CDK12: variants seen among roughly 807,000 people sequenced by gnomAD.
CDK12 encodes cyclin dependent kinase 12.
In CDK12, 17 loss-of-function variants were observed where a neutral mutation model predicts 133.8. The ratio of observed to expected loss-of-function variants is 0.13; its 90% confidence interval spans 0.09 to 0.19. The LOEUF is 0.19. Ranked by LOEUF, CDK12 falls within the 10% of genes least tolerant of loss-of-function variation. The probability of loss-of-function intolerance (pLI) is 1.00; values close to 1 mark genes in which losing one functional copy is unlikely to be tolerated. For synonymous variants in CDK12, 694 were observed against 683.6 expected (o/e 1.02, Z -0.24); for missense variants, 1,508 against 1,818.7 (o/e 0.83, Z 3.11).
At chr17:39,505,054 C>T (rs1268417661) in intron 6 of CDK12, among the ~76,000 whole-genome samples, 1 of 150,494 alleles carries the variant, frequency 6.6e-6, no homozygotes, top group Non-Finnish European at 1.5e-5. Flanking sequence ...CATGGTAAAA[C>T]CCCGTCTCTA....
chr17:39,565,542 TTC>T (rs1409452408), downstream of CDK12, among the ~76,000 whole-genome samples: 1 of 152,050 alleles, frequency 6.6e-6, no homozygotes, highest in Non-Finnish European at 1.5e-5. Flanking sequence ...CAAGCGATTC[TTC>T]TGCCTCAGCC....
downstream of CDK12, among the ~76,000 whole-genome samples, chr17:39,539,139 C>T (rs2055294547): frequency 1.3e-5 from 2 of 152,258 alleles, no homozygotes; most frequent in South Asian, 2.1e-4. Context: ...TTCCTAGAGA[C>T]CTTCCAAAAC....
chr17:39,511,666 T>C, intron 8 of CDK12, 36 bp downstream of exon 8: 2 of 1,342,830 alleles, frequency 1.5e-6, no homozygotes, highest in South Asian at 1.2e-5. Flanking sequence ...TGTCTGTAAC[T>C]TACATACTGT....
rs565863881 is a variant in CDK12 at position 39,476,317 on chromosome 17, T to C, written c.1931+4554T>C. On this transcript the variant is annotated intron_variant, in intron 2 of 13. Coordinates refer to ENST00000447079, the MANE Select transcript of CDK12 (RefSeq NM_016507.4). Reference sequence around the variant, plus strand: ...TAGAGGTAGGGTTTCACCATATTTCTCCTGGATGGTCTCGATGTCTTGATC... The same window carrying C: ...TAGAGGTAGGGTTTCACCATATTTCCCCTGGATGGTCTCGATGTCTTGATC... 7.9e-5 allele frequency among the ~76,000 whole-genome samples: 12 copies of C among 151,972 alleles called. No homozygotes were observed. The South Asian group carries it at 2.5e-3, about 32-fold the overall frequency.
At chr17:39,513,677 C>T (rs941263811) in intron 8 of CDK12, among the ~76,000 whole-genome samples, 6 of 152,182 alleles carry the variant, frequency 3.9e-5, no homozygotes, top group South Asian at 2.1e-4. Context: ...GGACTGGAAA[C>T]CAAAAGAAAA....
At chr17:39,488,306 T>C (rs1567717524) in intron 2 of CDK12, among the ~76,000 whole-genome samples, 1 of 152,068 alleles carries the variant, frequency 6.6e-6, no homozygotes, top group Non-Finnish European at 1.5e-5. Flanking sequence ...AAAACCCCAC[T>C]GACTACTATA....
At chr17:39,478,394 A>G (rs2050382337) in intron 2 of CDK12, among the ~76,000 whole-genome samples, 1 of 151,480 alleles carries the variant, frequency 6.6e-6, no homozygotes, top group Non-Finnish European at 1.5e-5. Context: ...GGGTTTCATC[A>G]TGTCATCCAG....
upstream of CDK12, among the ~76,000 whole-genome samples, chr17:39,544,625 CTTTTTTTTTTTT>C (rs71147355): frequency 1.6e-5 from 1 of 60,910 alleles, no homozygotes; most frequent in South Asian, 1.0e-3. Flanking sequence ...AACAGGCGAT[CTTTTTTTTTTTT>C]TTTTTTTTTT....
At chr17:39,539,366 T>G (rs1374086501), downstream of CDK12, among the ~76,000 whole-genome samples, 1 of 152,204 alleles carries the variant, frequency 6.6e-6, no homozygotes, top group African/African-American at 2.4e-5. Context: ...GTACTTGTTT[T>G]TTTGTTTTGT....
At chr17:39,566,493 C>G (rs1467795941), downstream of CDK12, among the ~76,000 whole-genome samples, 1 of 152,098 alleles carries the variant, frequency 6.6e-6, no homozygotes, top group African/African-American at 2.4e-5. Flanking sequence ...ACCGACACCC[C>G]ACCCTGACCC....
intron 12 of CDK12, among the ~76,000 whole-genome samples, chr17:39,525,527 G>A (rs1380742091): frequency 6.6e-6 from 1 of 152,148 alleles, no homozygotes; most frequent in Admixed American, 6.6e-5. Context: ...CTAGGGATGG[G>A]TCCTGAGGCA....
chr17:39,472,451 AT>A (rs1190902613), intron 2 of CDK12, among the ~76,000 whole-genome samples: 2 of 151,910 alleles, frequency 1.3e-5, no homozygotes, highest in African/African-American at 4.8e-5. Context: ...GGGCAGGCAG[AT>A]CACCTGAGGT....
chr17:39,509,859 G>A, intron 7 of CDK12, 98 bp downstream of exon 7: 2 of 904,410 alleles, frequency 2.2e-6, no homozygotes, highest in South Asian at 2.8e-5. Context: ...TGGAGTGCGT[G>A]GCTTGATCTC....
chr17:39,469,633 CTTCTT>C (rs1461449521), intron 1 of CDK12, among the ~76,000 whole-genome samples: 1 of 146,168 alleles, frequency 6.8e-6, no homozygotes, highest in Non-Finnish European at 1.5e-5. Context: ...TGGAGTATGA[CTTCTT>C]TTTTTTTTTT....
chr17:39,535,384 C>T (rs1180360573), downstream of CDK12, among the ~76,000 whole-genome samples: 1 of 152,134 alleles, frequency 6.6e-6, no homozygotes, highest in Non-Finnish European at 1.5e-5. Context: ...GAGTTGCTAA[C>T]CTGTTTTTGA....
intron 1 of CDK12, chr17:39,550,810 C>T (rs2055923213): frequency 6.6e-6 from 1 of 152,082 alleles, no homozygotes; most frequent in South Asian, 2.1e-4. Context: ...AGGTGGATCA[C>T]TTGAGGCCAG....
In CDK12 at chr17:39,530,695, C is replaced by G; in HGVS notation, c.3852C>G (p.Gly1284=). 1 of 1,612,006 alleles carries G rather than the reference C, an allele frequency of 6.2e-7. No homozygotes were observed. Among genetic ancestry groups the G allele is most frequent in the Non-Finnish European group, 8.5e-7 (1 of 1,179,094 alleles). The change falls in exon 14 of 14, where the codon GGC becomes GGG. Residue 1284 remains glycine (G), a synonymous_variant. Coordinates refer to ENST00000447079, the MANE Select transcript of CDK12 (RefSeq NM_016507.4). ...CACCTCCACCCCCTCTGGTTGAAGG[C>G]GATCTTTCCAGCGCCCCCCAGGAGT... ...PPPPPPPLVE[G]DLSSAPQELN...
chr17:39,537,525 CTT>C (rs1259872750), downstream of CDK12, among the ~76,000 whole-genome samples: 2 of 150,728 alleles, frequency 1.3e-5, no homozygotes, highest in East Asian at 3.9e-4. Context: ...CAGAAAGAGA[CTT>C]GGGGTATAAT....
chr17:39,483,072 C>T (rs2050848930), intron 2 of CDK12, among the ~76,000 whole-genome samples: 1 of 151,944 alleles, frequency 6.6e-6, no homozygotes, highest in African/African-American at 2.4e-5. Flanking sequence ...GCCACCACGC[C>T]TGGCTAATTT....
Sources: gnomAD v4.1 joint callset for allele counts (sites outside exome capture counted in the v4.1 genomes callset) on GRCh38, gnomAD v4.1.1 for gene constraint, MANE v1.5 for transcripts, NCBI Gene and HGNC (gene_info 2026-07-23, HGNC 2026-07-21) for gene names.